The following MARCHF7 variants were observed in gnomAD, a reference collection of about 807,000 sequenced individuals.
The protein encoded by MARCHF7 is membrane associated ring-CH-type finger 7.
A neutral mutation model predicts 76.5 loss-of-function variants in MARCHF7; 20 were observed. The observed-to-expected ratio is 0.26, with a 90% CI of 0.18 to 0.38. MARCHF7 has a LOEUF of 0.38. Ranked by LOEUF, MARCHF7 falls within the 10% of genes least tolerant of loss-of-function variation. MARCHF7 has a pLI of 1.00. For missense variants in MARCHF7, 797 were observed against 812.9 expected, an observed-to-expected ratio of 0.98 and a Z score of 0.24; for synonymous variants, 295 against 293.0, an observed-to-expected ratio of 1.01 and a Z score of -0.07.
chr2:159,716,564 C>A (rs1369578738), intron 3 of MARCHF7, among the ~76,000 whole-genome samples: 1 of 151,934 alleles, frequency 6.6e-6, no homozygotes, highest in Non-Finnish European at 1.5e-5. Context: ...GTGGGAGGAT[C>A]ACTTGAACCC....
chr2:159,753,046 C>G (rs1046445016), intron 8 of MARCHF7, among the ~76,000 whole-genome samples: 3 of 152,174 alleles, frequency 2.0e-5, no homozygotes, highest in African/African-American at 7.2e-5. Context: ...GGTAAAAAGA[C>G]AAGGCACCTG....
intron 5 of MARCHF7, among the ~76,000 whole-genome samples, chr2:159,744,234 C>T (rs939240550): frequency 2.0e-5 from 3 of 151,800 alleles, no homozygotes; most frequent in Non-Finnish European, 4.4e-5. Flanking sequence ...GTGATCCGCC[C>T]ACCTCGGCCT....
At chr2:159,716,089 ATATTTT>A (rs71799681) in intron 3 of MARCHF7, among the ~76,000 whole-genome samples, 6,266 of 152,046 alleles carry the variant, frequency 0.041, 400 homozygotes, top group African/African-American at 0.14. Context: ...TGGGCATGTC[ATATTTT>A]TGTGTTTTAA....
At chr2:159,751,863 A>C (rs1296843648) in intron 7 of MARCHF7, among the ~76,000 whole-genome samples, 1 of 152,194 alleles carries the variant, frequency 6.6e-6, no homozygotes, top group African/African-American at 2.4e-5. Flanking sequence ...TTTTTTCTGT[A>C]ATACAAAAGT....
At chr2:159,762,822 TC>T in intron 9 of MARCHF7, 57 bp from the exon 10 acceptor site, 1 of 1,007,646 alleles carries the variant, frequency 9.9e-7, no homozygotes, top group Non-Finnish European at 1.5e-6. Context: ...CAATCTCAAT[TC>T]TACTAATTTT....
chr2:159,765,190 G>T (rs367854131), intron 11 of MARCHF7, among the ~76,000 whole-genome samples: 89 of 146,082 alleles, frequency 6.1e-4, no homozygotes, highest in African/African-American at 1.7e-3. Flanking sequence ...TTTGTTGTTG[G>T]TGGTGGTGGT....
intron 4 of MARCHF7, among the ~76,000 whole-genome samples, chr2:159,740,741 C>G (rs912039049): frequency 1.6e-4 from 24 of 152,338 alleles, no homozygotes; most frequent in African/African-American, 5.5e-4. Context: ...AAAATATTCT[C>G]TAGGCAAAGG....
At chr2:159,713,545 C>A (rs79556839) in intron 1 of MARCHF7, among the ~76,000 whole-genome samples, 2 of 152,146 alleles carry the variant, frequency 1.3e-5, no homozygotes, top group African/African-American at 4.8e-5. Flanking sequence ...TTTTAAATCT[C>A]CACCTTTCTG....
In MARCHF7 at chr2:159,768,452, C is replaced by G. The variant is rs1708015505; in HGVS notation, c.*1110C>G. The G allele has an allele frequency of 6.6e-6, 1 of 152,590 alleles. No homozygotes were observed. Among genetic ancestry groups the G allele is most frequent in the Admixed American group, 6.5e-5 (1 of 15,270 alleles). 9.5% of individuals were successfully genotyped at this position (152,590 alleles called of 1,614,324 possible). A position where few individuals can be genotyped will look rare whatever the true frequency, so the allele number is the denominator to read the frequency against. The stretch of plus-strand genomic sequence containing the variant: ...TAAGGTCTGATGTTATGGCAACAAA[C>G]TACTTTTTCAAACCTAAATAGGAAC... On this transcript the variant is annotated 3_prime_UTR_variant, in exon 12 of 12. Transcript: ENST00000409175.
At chr2:159,740,247 C>A (rs1703972841) in intron 4 of MARCHF7, among the ~76,000 whole-genome samples, 1 of 151,950 alleles carries the variant, frequency 6.6e-6, no homozygotes, top group African/African-American at 2.4e-5. Flanking sequence ...TCTGATTTAT[C>A]CCCCCCTTCA....
intron 3 of MARCHF7, among the ~76,000 whole-genome samples, chr2:159,720,793 G>A (rs1701551502): frequency 6.6e-6 from 1 of 152,154 alleles, no homozygotes; most frequent in Non-Finnish European, 1.5e-5. Flanking sequence ...CATTTACCAA[G>A]CAGGCAACAT....
chr2:159,729,492 G>A (rs1000476570), intron 4 of MARCHF7, among the ~76,000 whole-genome samples: 13 of 151,978 alleles, frequency 8.6e-5, no homozygotes, highest in Non-Finnish European at 1.5e-4. Context: ...CCAACATGAC[G>A]AAACCCCGTC....
At chr2:159,716,301 T>C (rs1701029171) in intron 3 of MARCHF7, among the ~76,000 whole-genome samples, 2 of 151,506 alleles carry the variant, frequency 1.3e-5, no homozygotes, top group African/African-American at 2.4e-5. Context: ...GCAAAGTATA[T>C]GTAAATAATG....
intron 4 of MARCHF7, chr2:159,734,083 G>A: frequency 1.5e-6 from 2 of 1,338,540 alleles, no homozygotes; most frequent in South Asian, 2.1e-5. Flanking sequence ...TTTAGTAACA[G>A]TAAGCAAAAT....
intron 8 of MARCHF7, 94 bp from the exon 9 acceptor site, chr2:159,759,132 G>A: frequency 4.2e-6 from 3 of 707,188 alleles, no homozygotes; most frequent in South Asian, 1.8e-5. Context: ...TTCCTTTAAG[G>A]TTTTATTTAT....
At chr2:159,720,913 A>G (rs907372234) in intron 3 of MARCHF7, among the ~76,000 whole-genome samples, 3 of 152,166 alleles carry the variant, frequency 2.0e-5, no homozygotes, top group African/African-American at 4.8e-5. Context: ...GCTGGGGTAC[A>G]GTGGCATGAT....
intron 9 of MARCHF7, 98 bp downstream of exon 9, chr2:159,759,433 A>C: frequency 1.9e-6 from 1 of 519,434 alleles, no homozygotes. Flanking sequence ...CTTGCATTAA[A>C]ATAATAATAA....
intron 4 of MARCHF7, among the ~76,000 whole-genome samples, chr2:159,734,315 A>T (rs1405055087): frequency 7.2e-6 from 1 of 138,464 alleles, no homozygotes; most frequent in Non-Finnish European, 1.6e-5. Flanking sequence ...TTTTAAAGTT[A>T]TTGATACCTT....
At chr2:159,716,654 AT>A (rs919498197) in intron 3 of MARCHF7, among the ~76,000 whole-genome samples, 5 of 149,646 alleles carry the variant, frequency 3.3e-5, no homozygotes, top group Non-Finnish European at 7.4e-5. Flanking sequence ...AAAAAAAAAA[AT>A]GATAGATTAC....
Sources: gnomAD v4.1 joint callset for allele counts (sites outside exome capture counted in the v4.1 genomes callset) on GRCh38, gnomAD v4.1.1 for gene constraint, MANE v1.5 for transcripts, NCBI Gene and HGNC (gene_info 2026-07-23, HGNC 2026-07-21) for gene names.